Variants in TMC1 observed in about 807,000 individuals in gnomAD.
TMC1 encodes transmembrane channel-like protein 1.
TMC1 carries 84 observed loss-of-function variants against 105.8 expected under a neutral mutation model. That is an observed-to-expected ratio of 0.79 (90% CI 0.67 to 0.95). The LOEUF (loss-of-function observed/expected upper bound fraction) is 0.95. Ranked by LOEUF, TMC1 falls within the 40% of genes least tolerant of loss-of-function variation. The pLI, the probability that TMC1 is intolerant of heterozygous loss-of-function variation, is 0.00. For missense variants in TMC1, 817 were observed against 914.1 expected (o/e 0.89, Z 1.37); for synonymous variants, 315 against 311.5 (o/e 1.01, Z -0.12).
chr9:72,792,958 G>A (rs1029836345), intron 17 of TMC1, among the ~76,000 whole-genome samples: 7 of 152,146 alleles, frequency 4.6e-5, no homozygotes, highest in African/African-American at 1.7e-4. Context: ...ATGAAGCCAA[G>A]GGATCCTTCT....
At chr9:72,705,487 G>A (rs1307382561) in intron 8 of TMC1, among the ~76,000 whole-genome samples, 1 of 151,984 alleles carries the variant, frequency 6.6e-6, no homozygotes, top group African/African-American at 2.4e-5. Context: ...ATCAAATCAG[G>A]GCAAAGGAGG....
chr9:72,805,327 C>T (rs543489713), intron 17 of TMC1, 55 bp from the exon 18 acceptor site: 1 of 1,602,768 alleles, frequency 6.2e-7, no homozygotes, highest in East Asian at 2.2e-5. Flanking sequence ...AATACCAACA[C>T]TAGGACCATT....
intron 2 of TMC1, among the ~76,000 whole-genome samples, chr9:72,615,867 C>A (rs1463878391): frequency 6.6e-6 from 1 of 151,720 alleles, no homozygotes; most frequent in Non-Finnish European, 1.5e-5. Context: ...AATTCTTGTG[C>A]CTTAGCCTCC....
At chr9:72,542,625 G>A (rs1823697958) in intron 1 of TMC1, among the ~76,000 whole-genome samples, 1 of 151,796 alleles carries the variant, frequency 6.6e-6, no homozygotes, top group Non-Finnish European at 1.5e-5. Context: ...AAAGAATTCT[G>A]ATCCAGGCAC....
At chr9:72,660,347 A>G (rs1392249613) in intron 5 of TMC1, among the ~76,000 whole-genome samples, 3 of 152,230 alleles carry the variant, frequency 2.0e-5, no homozygotes, top group African/African-American at 7.2e-5. Context: ...CTTGAACTCT[A>G]CATTCAGGTC....
chr9:72,728,612 A>T (rs1364896499), intron 8 of TMC1, among the ~76,000 whole-genome samples: 3 of 151,860 alleles, frequency 2.0e-5, no homozygotes, highest in African/African-American at 7.3e-5. Context: ...CTACCCTCCA[A>T]ATTGTCTCTA....
At chr9:72,632,112 T>A (rs573113813) in intron 4 of TMC1, among the ~76,000 whole-genome samples, 1 of 152,288 alleles carries the variant, frequency 6.6e-6, no homozygotes, top group South Asian at 2.1e-4. Flanking sequence ...CATCTGCTCC[T>A]GGTGAGGCCT....
chr9:72,649,142 AC>A (rs1415688070), intron 5 of TMC1, among the ~76,000 whole-genome samples: 1 of 152,306 alleles, frequency 6.6e-6, no homozygotes, highest in East Asian at 1.9e-4. Context: ...GAGACATCAA[AC>A]CCTATTGTTG....
chr9:72,726,007 T>C (rs1044193809), intron 8 of TMC1, among the ~76,000 whole-genome samples: 3 of 152,178 alleles, frequency 2.0e-5, no homozygotes, highest in Non-Finnish European at 2.9e-5. Context: ...TTAATCTCTT[T>C]TGGCAGTACC....
At chr9:72,743,303 C>A (rs1827424155) in intron 10 of TMC1, among the ~76,000 whole-genome samples, 1 of 148,436 alleles carries the variant, frequency 6.7e-6, no homozygotes, top group South Asian at 2.1e-4. Flanking sequence ...GGAGGCGGAG[C>A]TTGCAGTGAG....
At chr9:72,541,538 AT>A (rs1823677588) in intron 1 of TMC1, among the ~76,000 whole-genome samples, 1 of 152,134 alleles carries the variant, frequency 6.6e-6, no homozygotes, top group Admixed American at 6.5e-5. Flanking sequence ...AAATACAAAA[AT>A]TAGCCGGGCA....
In TMC1 at chr9:72,623,064, A is replaced by C. The variant is rs1459636094; in HGVS notation, c.-195-4857A>C. 2.7e-5 allele frequency among the ~76,000 whole-genome samples: 4 copies of C among 147,012 alleles called. No individual in the cohort carries two copies. The East Asian group carries it at 7.9e-4, about 29-fold the overall frequency. ...GAGACTCCATCTCAAAAAAAAAAAC[A>C]AACAAAAGAAAAACAACAACAACAA... On this transcript the variant is annotated intron_variant, in intron 3 of 23. Transcript: ENST00000297784.
chr9:72,816,135 T>A lies in TMC1; in HGVS notation c.1696-8T>A. Reference sequence around the variant, plus strand: ...ACGCTAATCCAATGAACATTGTGTCTCCTCTAGCCTTCATACACCGAATTC... The same window carrying A: ...ACGCTAATCCAATGAACATTGTGTCACCTCTAGCCTTCATACACCGAATTC... On this transcript the variant is annotated splice_polypyrimidine_tract_variant and splice_region_variant and intron_variant, in intron 18 of 23. Transcript: ENST00000297784. 6.2e-7 allele frequency: 1 copy of A among 1,613,014 alleles called. No individual in the cohort carries two copies. The highest frequency in any genetic ancestry group is 2.2e-5 in the East Asian group (1 of 44,862).
chr9:72,613,132 ATT>A (rs10552822), intron 2 of TMC1, among the ~76,000 whole-genome samples: 68,548 of 137,676 alleles, frequency 0.5, 16,677 homozygotes, highest in African/African-American at 0.62. Flanking sequence ...CAGAAATGTG[ATT>A]TTTTTTTTTT....
At chr9:72,586,608 C>T (rs1047000027) in intron 2 of TMC1, among the ~76,000 whole-genome samples, 15 of 152,294 alleles carry the variant, frequency 9.8e-5, no homozygotes, top group African/African-American at 3.1e-4. Flanking sequence ...CCACTTATCT[C>T]TGTAGTTGGG....
intron 8 of TMC1, among the ~76,000 whole-genome samples, chr9:72,714,438 CT>C (rs942327735): frequency 5.3e-5 from 8 of 152,160 alleles, no homozygotes; most frequent in Non-Finnish European, 1.2e-4. Context: ...CTTTATGAAT[CT>C]GGGTGCTCCT....
chr9:72,558,559 G>T (rs1054793797), intron 1 of TMC1, among the ~76,000 whole-genome samples: 9 of 152,172 alleles, frequency 5.9e-5, no homozygotes, highest in Non-Finnish European at 1.3e-4. Flanking sequence ...CAGCATAATA[G>T]AATTTCAGGC....
chr9:72,736,204 A>G (rs1326022232), intron 8 of TMC1, among the ~76,000 whole-genome samples: 1 of 152,218 alleles, frequency 6.6e-6, no homozygotes, highest in Non-Finnish European at 1.5e-5. Flanking sequence ...GAAAACTAAC[A>G]GTAATTGAAG....
intron 2 of TMC1, among the ~76,000 whole-genome samples, chr9:72,593,376 TTTTTC>T (rs761523804): frequency 1.2e-4 from 18 of 152,018 alleles, no homozygotes; most frequent in South Asian, 2.1e-4. Flanking sequence ...CCCATTTTCT[TTTTTC>T]TTTTCTTTTC....
Sources: allele counts gnomAD v4.1 joint callset (sites outside exome capture counted in the v4.1 genomes callset), GRCh38; gene constraint gnomAD v4.1.1; transcripts MANE v1.5; gene names NCBI Gene and HGNC (gene_info 2026-07-23, HGNC 2026-07-21).